The following EYA2 variants were observed in gnomAD, a reference collection of about 807,000 sequenced individuals.
EYA2 encodes EYA transcriptional coactivator and phosphatase 2.
EYA2 carries 31 observed loss-of-function variants against 69.2 expected under a neutral mutation model. That is an observed-to-expected ratio of 0.45 (90% CI 0.34 to 0.60). The LOEUF (loss-of-function observed/expected upper bound fraction) is 0.60, where lower values mean the gene tolerates loss of function less well. Among genes scored for constraint, EYA2 ranks in the 20% least tolerant of loss-of-function variants. The pLI, the probability that EYA2 is intolerant of heterozygous loss-of-function variation, is 0.02. For missense variants in EYA2, 622 were observed against 701.2 expected, an observed-to-expected ratio of 0.89 and a Z score of 1.28; for synonymous variants, 257 against 279.4, an observed-to-expected ratio of 0.92 and a Z score of 0.80.
At chr20:47,019,225 C>T (rs1364834449) in intron 5 of EYA2, among the ~76,000 whole-genome samples, 2 of 152,200 alleles carry the variant, frequency 1.3e-5, no homozygotes, top group African/African-American at 4.8e-5. Context: ...GTCTCCAGCT[C>T]TCTTCTCGCC....
chr20:47,034,972 C>G (rs1984615830), intron 5 of EYA2, among the ~76,000 whole-genome samples: 1 of 152,244 alleles, frequency 6.6e-6, no homozygotes, highest in East Asian at 1.9e-4. Context: ...CTTATGAAGA[C>G]ACCCTAATCC....
chr20:46,923,217 T>C (rs879402230), intron 1 of EYA2, among the ~76,000 whole-genome samples: 3 of 151,982 alleles, frequency 2.0e-5, no homozygotes, highest in Admixed American at 2.0e-4. Flanking sequence ...AAAATACAAA[T>C]TAGCCAGGCG....
At chr20:47,019,134 ACT>A (rs1983595878) in intron 5 of EYA2, among the ~76,000 whole-genome samples, 1 of 151,890 alleles carries the variant, frequency 6.6e-6, no homozygotes, top group East Asian at 1.9e-4. Flanking sequence ...TGCCCTTCAC[ACT>A]CTCTTAGATC....
chr20:47,064,988 CATG>C (rs2031055318), intron 5 of EYA2, among the ~76,000 whole-genome samples: 1 of 152,192 alleles, frequency 6.6e-6, no homozygotes, highest in African/African-American at 2.4e-5. Context: ...GCCTCACAAT[CATG>C]GTGGAAGGCA....
At chr20:47,155,494 T>C (rs1006429408) in intron 10 of EYA2, among the ~76,000 whole-genome samples, 3 of 152,058 alleles carry the variant, frequency 2.0e-5, no homozygotes, top group Non-Finnish European at 4.4e-5. Context: ...TACCCATTCA[T>C]TAACCCTTAC....
intron 10 of EYA2, among the ~76,000 whole-genome samples, chr20:47,153,239 TTC>T (rs1287806674): frequency 6.6e-6 from 1 of 152,042 alleles, no homozygotes; most frequent in Non-Finnish European, 1.5e-5. Flanking sequence ...GTATGGCTTT[TTC>T]TTACTCGTGT....
At chr20:47,087,518 A>G (rs977971552) in intron 7 of EYA2, among the ~76,000 whole-genome samples, 49 of 152,252 alleles carry the variant, frequency 3.2e-4, no homozygotes, top group African/African-American at 1.2e-3. Context: ...TCACCTCACT[A>G]AACCTGAGTT....
intron 9 of EYA2, among the ~76,000 whole-genome samples, chr20:47,132,124 T>C (rs2033356792): frequency 6.6e-6 from 1 of 152,140 alleles, no homozygotes; most frequent in African/African-American, 2.4e-5. Context: ...AATTTTTTAA[T>C]TTTTTGTAGA....
At chr20:46,978,779 G>A (rs370970417) in intron 1 of EYA2, 15 of 498,036 alleles carry the variant, frequency 3.0e-5, no homozygotes, top group South Asian at 1.5e-4. Context: ...GGACCTGGGC[G>A]ATGGCCATGG....
intron 4 of EYA2, among the ~76,000 whole-genome samples, chr20:47,007,969 T>C (rs940292621): frequency 2.6e-5 from 4 of 151,964 alleles, no homozygotes; most frequent in Non-Finnish European, 5.9e-5. Flanking sequence ...TGAGGCTGGC[T>C]CAGAGGGGAT....
At chr20:47,008,489 G>A (rs564922229) in intron 4 of EYA2, among the ~76,000 whole-genome samples, 2 of 152,316 alleles carry the variant, frequency 1.3e-5, no homozygotes, top group African/African-American at 4.8e-5. Context: ...TGCTGTGCTA[G>A]AAGGCTTAGA....
At chr20:46,928,480 G>A (rs1204769912) in intron 1 of EYA2, among the ~76,000 whole-genome samples, 1 of 152,194 alleles carries the variant, frequency 6.6e-6, no homozygotes, top group Non-Finnish European at 1.5e-5. Flanking sequence ...AGCCCTATAA[G>A]ATAAGTACTG....
rs374464897 is a variant in EYA2, at chr20:47,093,600, C to G, written c.805-3485C>G. Among the ~76,000 whole-genome samples the G allele has an allele frequency of 2.1e-4, 32 of 152,298 alleles. No individual in the cohort carries two copies. In the South Asian group the frequency reaches 6.4e-3, roughly 31 times the overall value. ...CCAGCGCAAGCTGTGCTGTGGCTCC[C>G]CTCTGTCTATCTGCAAAACAGTCAT... is the stretch of plus-strand genomic sequence containing the variant. On this transcript the variant is annotated intron_variant, in intron 8 of 15. Transcript: ENST00000327619.
At chr20:46,912,135 A>G (rs117141369) in intron 1 of EYA2, among the ~76,000 whole-genome samples, 2,726 of 152,260 alleles carry the variant, frequency 0.018, 39 homozygotes, top group South Asian at 0.027. Context: ...TTGGAGAGTG[A>G]GCAGAAGGAC....
At chr20:47,152,929 T>C (rs2033852167) in intron 10 of EYA2, among the ~76,000 whole-genome samples, 1 of 150,196 alleles carries the variant, frequency 6.7e-6, no homozygotes, top group Admixed American at 6.6e-5. Flanking sequence ...TGAGACTCTG[T>C]CTCAAAAGAA....
chr20:47,026,096 A>T (rs915229525), intron 5 of EYA2, among the ~76,000 whole-genome samples: 2 of 152,250 alleles, frequency 1.3e-5, no homozygotes, highest in African/African-American at 4.8e-5. Flanking sequence ...GTGTGAATAC[A>T]CTCACCGATC....
intron 10 of EYA2, among the ~76,000 whole-genome samples, chr20:47,145,524 T>C (rs1368177693): frequency 6.6e-6 from 1 of 152,110 alleles, no homozygotes; most frequent in Non-Finnish European, 1.5e-5. Context: ...GGCAAGCTGA[T>C]ATTAAGAAGG....
At chr20:47,132,962 G>A (rs1022681085) in intron 9 of EYA2, among the ~76,000 whole-genome samples, 2 of 152,194 alleles carry the variant, frequency 1.3e-5, no homozygotes, top group African/African-American at 4.8e-5. Flanking sequence ...TGCTCAGCAG[G>A]CCTTGTCTAT....
At chr20:47,016,431 A>T in intron 5 of EYA2, 134 bp downstream of exon 5, 1 of 674,300 alleles carries the variant, frequency 1.5e-6, no homozygotes, top group Non-Finnish European at 2.6e-6. Context: ...AGTGGAGAAA[A>T]TAGATACGAG....
Sources: gnomAD v4.1 joint callset for allele counts (sites outside exome capture counted in the v4.1 genomes callset) on GRCh38, gnomAD v4.1.1 for gene constraint, MANE v1.5 for transcripts, NCBI Gene and HGNC (gene_info 2026-07-23, HGNC 2026-07-21) for gene names.